Variants in TANGO6 observed in about 807,000 individuals in gnomAD.
The protein encoded by TANGO6 is transport and golgi organization 6 homolog.
Under a neutral mutation model 114.2 loss-of-function variants are expected in TANGO6, and 90 were observed. That is an observed-to-expected ratio of 0.79 (90% CI 0.66 to 0.94). The LOEUF (loss-of-function observed/expected upper bound fraction) is 0.94, where lower values mean the gene tolerates loss of function less well. Ranked by LOEUF, TANGO6 falls within the 40% of genes least tolerant of loss-of-function variation. The pLI is 0.00. For synonymous variants in TANGO6, 477 were observed against 509.8 expected (o/e 0.94, Z 0.87); for missense variants, 1,274 against 1,315.3 (o/e 0.97, Z 0.49).
intron 15 of TANGO6, among the ~76,000 whole-genome samples, chr16:69,009,770 C>A (rs1019861224): frequency 6.6e-6 from 1 of 151,988 alleles, no homozygotes; most frequent in African/African-American, 2.4e-5. Context: ...AAATTTATTC[C>A]TATCTTATTC....
intron 16 of TANGO6, among the ~76,000 whole-genome samples, chr16:69,032,600 C>T (rs549890503): frequency 3.6e-4 from 54 of 152,096 alleles, no homozygotes; most frequent in Non-Finnish European, 5.9e-4. Flanking sequence ...TACTGTTGGC[C>T]GGGCATGGTG....
intron 15 of TANGO6, among the ~76,000 whole-genome samples, chr16:68,981,819 T>C (rs529909232): frequency 3.3e-5 from 5 of 152,332 alleles, no homozygotes; most frequent in South Asian, 2.1e-4. Context: ...GAAATGCTCA[T>C]TGGAGCATTT....
chr16:68,919,859 TG>T (rs1201780163), intron 12 of TANGO6, among the ~76,000 whole-genome samples: 1 of 151,988 alleles, frequency 6.6e-6, no homozygotes, highest in African/African-American at 2.4e-5. Context: ...CTGGTCAACA[TG>T]GTGAAACCCC....
At chr16:69,048,528 C>T (rs1959897900) in intron 17 of TANGO6, among the ~76,000 whole-genome samples, 1 of 151,680 alleles carries the variant, frequency 6.6e-6, no homozygotes, top group East Asian at 1.9e-4. Flanking sequence ...CTTAGCCTCC[C>T]AGGGATTAAT....
At chr16:69,002,840 G>A (rs1250591996) in intron 15 of TANGO6, among the ~76,000 whole-genome samples, 1 of 151,968 alleles carries the variant, frequency 6.6e-6, no homozygotes, top group African/African-American at 2.4e-5. Context: ...TCAGAAGTTC[G>A]GGACCAGCCT....
intron 7 of TANGO6, 29 bp from the exon 8 acceptor site, chr16:68,900,405 A>G: frequency 6.3e-7 from 1 of 1,593,848 alleles, no homozygotes; most frequent in South Asian, 1.1e-5. Flanking sequence ...CAGTCATGGG[A>G]TTATTCTTCA....
intron 3 of TANGO6, among the ~76,000 whole-genome samples, chr16:68,866,661 G>C (rs895411717): frequency 9.2e-5 from 14 of 151,728 alleles, no homozygotes; most frequent in Admixed American, 5.9e-4. Context: ...GTCTAGCTGG[G>C]CACGGTGGCT....
At chr16:68,986,146 C>T (rs1300659825) in intron 15 of TANGO6, among the ~76,000 whole-genome samples, 2 of 152,288 alleles carry the variant, frequency 1.3e-5, no homozygotes, top group South Asian at 2.1e-4. Flanking sequence ...TTGTAATCAG[C>T]AAGCTAAGAC....
chr16:68,980,429 A>ATTTTT (rs1401471877), intron 15 of TANGO6, among the ~76,000 whole-genome samples: 1 of 63,570 alleles, frequency 1.6e-5, no homozygotes, highest in African/African-American at 5.0e-5. Context: ...ATATATATAT[A>ATTTTT]TATATATTTT....
At chr16:68,948,656 T>C (rs1288878430) in intron 14 of TANGO6, among the ~76,000 whole-genome samples, 1 of 152,202 alleles carries the variant, frequency 6.6e-6, no homozygotes, top group African/African-American at 2.4e-5. Context: ...GTTTATAACT[T>C]AATAGTATGC....
In TANGO6 at chr16:68,844,967, C is replaced by CTTT. The variant is rs200473627; in HGVS notation, c.94+1272_94+1274dup. Among the ~76,000 whole-genome samples, 211 of 131,168 alleles carry CTTT rather than the reference C, an allele frequency of 1.6e-3. 3 individuals carry two copies. Among genetic ancestry groups the CTTT allele is most frequent in the Middle Eastern group, 8.0e-3 (2 of 250 alleles). The allele number at this position is 131,168 out of a possible 152,430, so 86.1% of individuals were successfully genotyped here. A position where few individuals can be genotyped will look rare whatever the true frequency, so the allele number is the denominator to read the frequency against. ...GGTCACTTGTCTTCTAACGGCAACTCTTTTTTTTTTTTTTTTTTGAGATGA... is the reference window on the plus strand; with the variant it reads ...GGTCACTTGTCTTCTAACGGCAACTCTTTTTTTTTTTTTTTTTTTTTGAGATGA... On this transcript the variant is annotated intron_variant, in intron 1 of 17. Coordinates refer to ENST00000261778, the MANE Select transcript of TANGO6 (RefSeq NM_024562.2).
intron 7 of TANGO6, among the ~76,000 whole-genome samples, chr16:68,898,720 C>T (rs1371484286): frequency 6.6e-6 from 1 of 152,086 alleles, no homozygotes; most frequent in Non-Finnish European, 1.5e-5. Flanking sequence ...TTTAAAGAAT[C>T]TAGCATAGTA....
At chr16:68,954,930 T>TATGA (rs1567547722) in intron 14 of TANGO6, among the ~76,000 whole-genome samples, 1 of 152,232 alleles carries the variant, frequency 6.6e-6, no homozygotes, top group Non-Finnish European at 1.5e-5. Flanking sequence ...TGTTTTCTAA[T>TATGA]ATGAACACGT....
chr16:68,995,130 G>T (rs950902852), intron 15 of TANGO6, among the ~76,000 whole-genome samples: 7 of 152,110 alleles, frequency 4.6e-5, no homozygotes, highest in African/African-American at 1.7e-4. Flanking sequence ...GCCTGTCAAA[G>T]TCTATTTACT....
chr16:68,911,788 T>C (rs1018769059), intron 11 of TANGO6, among the ~76,000 whole-genome samples: 3 of 152,200 alleles, frequency 2.0e-5, no homozygotes, highest in Non-Finnish European at 4.4e-5. Flanking sequence ...TGATTCGAAG[T>C]CTGAGGCAGG....
chr16:68,970,178 C>A (rs2152211833), intron 14 of TANGO6, among the ~76,000 whole-genome samples: 1 of 152,186 alleles, frequency 6.6e-6, no homozygotes, highest in East Asian at 1.9e-4. Context: ...ACCACACAGA[C>A]TGAGAGTAAG....
At position 68,962,579 on chromosome 16, in the gene TANGO6, T is replaced by C. The variant is rs193251128; in HGVS notation, c.2702-11449T>C. On this transcript the variant is annotated intron_variant, in intron 14 of 17. Coordinates refer to ENST00000261778, the MANE Select transcript of TANGO6 (RefSeq NM_024562.2). Reference sequence around the variant, plus strand: ...TCGGGAATTCAAGACCTGACCAACATGAAGAAACCTTTTCTTTACTAAAAA... The same window carrying C: ...TCGGGAATTCAAGACCTGACCAACACGAAGAAACCTTTTCTTTACTAAAAA... Among the ~76,000 whole-genome samples the C allele has an allele frequency of 2.6e-5, 4 of 152,236 alleles. No individual in the cohort carries two copies. In the East Asian group the frequency reaches 5.8e-4, roughly 22 times the overall value.
chr16:68,875,098 G>A (rs1216256757), intron 4 of TANGO6, 56 bp from the exon 5 acceptor site: 4 of 1,530,844 alleles, frequency 2.6e-6, no homozygotes, highest in African/African-American at 1.4e-5. Context: ...TTTGTTACAT[G>A]GGACCTTCTG....
intron 14 of TANGO6, among the ~76,000 whole-genome samples, chr16:68,935,646 T>C (rs544174927): frequency 2.0e-5 from 3 of 152,220 alleles, no homozygotes; most frequent in East Asian, 3.8e-4. Flanking sequence ...CAGAGAATTA[T>C]GTATAAAGTC....
Sources: gnomAD v4.1 joint callset for allele counts (sites outside exome capture counted in the v4.1 genomes callset) on GRCh38, gnomAD v4.1.1 for gene constraint, MANE v1.5 for transcripts, NCBI Gene and HGNC (gene_info 2026-07-23, HGNC 2026-07-21) for gene names.